DLGAP2: variants seen among roughly 807,000 people sequenced by gnomAD.
DLGAP2 encodes the protein disks large-associated protein 2.
A neutral mutation model predicts 100.3 loss-of-function variants in DLGAP2; 26 were observed. The observed-to-expected ratio is 0.26, with a 90% CI of 0.19 to 0.36. The LOEUF (loss-of-function observed/expected upper bound fraction) is 0.36. Ranked by LOEUF, DLGAP2 falls within the 10% of genes least tolerant of loss-of-function variation. The pLI is 1.00. For synonymous variants in DLGAP2, 886 were observed against 630.1 expected (o/e 1.41, Z -6.08); for missense variants, 1,858 against 1,453.2 (o/e 1.28, Z -4.53).
chr8:1,234,468 A>C (rs1463661147), intron 2 of DLGAP2, among the ~76,000 whole-genome samples: 1 of 152,152 alleles, frequency 6.6e-6, no homozygotes, highest in Non-Finnish European at 1.5e-5. Flanking sequence ...CACTAGTAAT[A>C]CTGAATCAGG....
chr8:1,372,489 C>T (rs1802265822), intron 3 of DLGAP2, among the ~76,000 whole-genome samples: 1 of 152,196 alleles, frequency 6.6e-6, no homozygotes, highest in African/African-American at 2.4e-5. Flanking sequence ...CCTCAGCTCT[C>T]CTGACGTCCG....
chr8:1,493,192 C>G (rs1399943040), intron 3 of DLGAP2, among the ~76,000 whole-genome samples: 2 of 152,214 alleles, frequency 1.3e-5, no homozygotes, highest in Non-Finnish European at 2.9e-5. Context: ...ACCCAGATGG[C>G]TGCCTTCATC....
At chr8:1,640,684 G>A (rs774454617) in intron 8 of DLGAP2, among the ~76,000 whole-genome samples, 2 of 152,052 alleles carry the variant, frequency 1.3e-5, no homozygotes, top group Non-Finnish European at 2.9e-5. Context: ...CCCGGGACTC[G>A]GGCATGAGAC....
At chr8:1,206,298 G>C (rs1797988000) in intron 2 of DLGAP2, among the ~76,000 whole-genome samples, 2 of 150,816 alleles carry the variant, frequency 1.3e-5, no homozygotes, top group Admixed American at 6.6e-5. Flanking sequence ...ACTGTGAGCG[G>C]TTAATCTCCA....
intron 2 of DLGAP2, among the ~76,000 whole-genome samples, chr8:946,472 C>T (rs922679882): frequency 6.6e-6 from 1 of 151,864 alleles, no homozygotes; most frequent in African/African-American, 2.4e-5. Context: ...ACCATATTAG[C>T]CAGGATGGTC....
intron 2 of DLGAP2, among the ~76,000 whole-genome samples, chr8:1,226,824 C>G (rs1181804132): frequency 6.6e-6 from 1 of 152,066 alleles, no homozygotes; most frequent in Non-Finnish European, 1.5e-5. Flanking sequence ...GATACCACCT[C>G]ATGCCCACCA....
intron 1 of DLGAP2, among the ~76,000 whole-genome samples, chr8:871,733 G>T (rs1292896151): frequency 6.6e-6 from 1 of 152,028 alleles, no homozygotes; most frequent in Admixed American, 6.6e-5. Context: ...AGTACTTCTG[G>T]TCCCACGCAT....
intron 6 of DLGAP2, among the ~76,000 whole-genome samples, chr8:1,594,090 C>G (rs1207006046): frequency 1.3e-5 from 2 of 152,158 alleles, no homozygotes; most frequent in Non-Finnish European, 2.9e-5. Flanking sequence ...CTTCTTCTCT[C>G]TGGGAAGGGA....
chr8:1,017,042 C>CTG (rs1359682363), intron 2 of DLGAP2, among the ~76,000 whole-genome samples: 2 of 10,630 alleles, frequency 1.9e-4, no homozygotes, highest in East Asian at 1.1e-3. Flanking sequence ...GGCGCCTCCA[C>CTG]TGTGTGTGAC....
intron 3 of DLGAP2, among the ~76,000 whole-genome samples, chr8:1,298,761 T>C (rs2116987538): frequency 6.6e-6 from 1 of 152,328 alleles, no homozygotes; most frequent in African/African-American, 2.4e-5. Context: ...ATAAAAACTT[T>C]AAACTAAAGA....
At chr8:1,643,365 A>C (rs1350294634) in intron 8 of DLGAP2, among the ~76,000 whole-genome samples, 1 of 11,610 alleles carries the variant, frequency 8.6e-5, no homozygotes, top group Non-Finnish European at 1.3e-4. Flanking sequence ...TCACCCTGGA[A>C]CCCGCCGGCC....
intron 3 of DLGAP2, among the ~76,000 whole-genome samples, chr8:1,380,640 C>T (rs546190854): frequency 6.6e-6 from 1 of 152,272 alleles, no homozygotes; most frequent in South Asian, 2.1e-4. Context: ...CAAATTGCTT[C>T]TGAAATTAAA....
At chr8:1,258,777 C>T in intron 2 of DLGAP2, 74 bp from the exon 3 acceptor site, 1 of 1,182,696 alleles carries the variant, frequency 8.5e-7, no homozygotes, top group East Asian at 3.2e-5. Flanking sequence ...TTTGTTGTTG[C>T]TGATGTTGAA....
At chr8:1,451,429 T>C (rs1387175348) in intron 3 of DLGAP2, among the ~76,000 whole-genome samples, 1 of 152,020 alleles carries the variant, frequency 6.6e-6, no homozygotes, top group African/African-American at 2.4e-5. Context: ...CTTTATCACA[T>C]CCATCAGCCC....
intron 2 of DLGAP2, among the ~76,000 whole-genome samples, chr8:1,189,573 T>C (rs1797590012): frequency 6.6e-6 from 1 of 152,236 alleles, no homozygotes; most frequent in Non-Finnish European, 1.5e-5. Flanking sequence ...GCTTAAACTC[T>C]ACCTTTTATT....
chr8:1,491,947 G>C (rs1362230695), intron 3 of DLGAP2, among the ~76,000 whole-genome samples: 1 of 152,224 alleles, frequency 6.6e-6, no homozygotes, highest in African/African-American at 2.4e-5. Context: ...ACGCGAGGGG[G>C]TGACGAGTGC....
intron 6 of DLGAP2, among the ~76,000 whole-genome samples, chr8:1,599,155 G>C (rs1796546919): frequency 6.6e-6 from 1 of 152,188 alleles, no homozygotes; most frequent in Non-Finnish European, 1.5e-5. Context: ...AAGTTGTTCA[G>C]TTTCCATGTA....
intron 2 of DLGAP2, among the ~76,000 whole-genome samples, chr8:1,130,740 C>G (rs1796275145): frequency 1.3e-5 from 2 of 152,232 alleles, no homozygotes; most frequent in African/African-American, 4.8e-5. Flanking sequence ...GCACCAGAGG[C>G]CTGATGTTTG....
At chr8:1,119,935 C>A (rs111612221) in intron 2 of DLGAP2, among the ~76,000 whole-genome samples, 1 of 152,076 alleles carries the variant, frequency 6.6e-6, no homozygotes, top group African/African-American at 2.4e-5. Flanking sequence ...TTGGGAAGAC[C>A]CTTTCTGGAA....
Sources: gnomAD v4.1 joint callset for allele counts (sites outside exome capture counted in the v4.1 genomes callset) on GRCh38, gnomAD v4.1.1 for gene constraint, MANE v1.5 for transcripts, NCBI Gene and HGNC (gene_info 2026-07-23, HGNC 2026-07-21) for gene names.